FGD4: variants seen among roughly 807,000 people sequenced by gnomAD.
The protein encoded by FGD4 is FYVE, RhoGEF and PH domain containing 4.
FGD4 carries 42 observed loss-of-function variants against 102.0 expected under a neutral mutation model. That is an observed-to-expected ratio of 0.41 (90% CI 0.32 to 0.53). The LOEUF is 0.53. Among genes scored for constraint, FGD4 ranks in the 20% least tolerant of loss-of-function variants. FGD4 has a pLI of 0.21. For missense variants in FGD4, 902 were observed against 1,078.2 expected (o/e 0.84, Z 2.29); for synonymous variants, 380 against 375.7 (o/e 1.01, Z -0.13).
intron 1 of FGD4, among the ~76,000 whole-genome samples, chr12:32,499,418 T>C (rs1466667912): frequency 6.6e-6 from 1 of 152,206 alleles, no homozygotes; most frequent in Non-Finnish European, 1.5e-5. Flanking sequence ...TACTATTCCT[T>C]ACTCACCTTT....
At chr12:32,585,860 A>AAAAAG (rs1491469243) in intron 4 of FGD4, among the ~76,000 whole-genome samples, 1 of 145,276 alleles carries the variant, frequency 6.9e-6, no homozygotes. Flanking sequence ...AAAAAAAAAA[A>AAAAAG]GGGAAATGCA....
At chr12:32,619,894 C>T in intron 11 of FGD4, 24 bp downstream of exon 11, 1 of 1,613,446 alleles carries the variant, frequency 6.2e-7, no homozygotes, top group Non-Finnish European at 8.5e-7. Flanking sequence ...TTCTATCACA[C>T]TGCTTTCCAA....
chr12:32,550,423 A>T (rs1199658063), intron 1 of FGD4, among the ~76,000 whole-genome samples: 1 of 152,112 alleles, frequency 6.6e-6, no homozygotes, highest in African/African-American at 2.4e-5. Context: ...TAATCCCATC[A>T]CTTTGGGAGG....
intron 11 of FGD4, among the ~76,000 whole-genome samples, chr12:32,621,491 C>G (rs1949842565): frequency 1.3e-5 from 2 of 152,074 alleles, no homozygotes; most frequent in Non-Finnish European, 2.9e-5. Flanking sequence ...TCTGGCTGCT[C>G]AGGTGAATTT....
intron 1 of FGD4, among the ~76,000 whole-genome samples, chr12:32,495,755 C>T (rs910226061): frequency 2.0e-5 from 3 of 151,576 alleles, no homozygotes; most frequent in African/African-American, 7.3e-5. Flanking sequence ...TCCATATCCT[C>T]CTGCACACAC....
intron 1 of FGD4, among the ~76,000 whole-genome samples, chr12:32,527,208 G>A (rs1941334420): frequency 6.6e-6 from 1 of 152,174 alleles, no homozygotes; most frequent in Admixed American, 6.5e-5. Context: ...AATTATGTTT[G>A]TTAATTAAGT....
rs368173697 is a variant in FGD4, at chr12:32,410,490, GA to G, written c.166+10542del. Among the ~76,000 whole-genome samples the G allele has an allele frequency of 5.5e-3, 780 of 142,638 alleles. 8 individuals carry two copies. Among genetic ancestry groups the G allele is most frequent in the African/African-American group, 0.018 (715 of 39,280 alleles). The allele number at this position is 142,638 out of a possible 152,430, so 93.6% of individuals were successfully genotyped here. On this transcript the variant is annotated intron_variant, in intron 1 of 16. Transcript: ENST00000534526. ...ATGGAATGAGACTGTGTCTCAAAAA[GA>G]AAAAAAAAAAGAAATTGGCATCATT...
At chr12:32,501,826 A>G (rs1938239590) in intron 1 of FGD4, among the ~76,000 whole-genome samples, 1 of 152,084 alleles carries the variant, frequency 6.6e-6, no homozygotes, top group Admixed American at 6.5e-5. Flanking sequence ...TTGAGGTTTT[A>G]TTTTCTGTTT....
At chr12:32,453,234 TA>T (rs1942856198) in intron 1 of FGD4, among the ~76,000 whole-genome samples, 1 of 48,734 alleles carries the variant, frequency 2.1e-5, no homozygotes, top group African/African-American at 7.8e-5. Context: ...TAGATATATA[TA>T]TATTTTTTTT....
chr12:32,633,096 A>C (rs1950587513), intron 14 of FGD4, among the ~76,000 whole-genome samples: 2 of 150,278 alleles, frequency 1.3e-5, no homozygotes. Flanking sequence ...TGTAAAATGG[A>C]AAATCTTTGG....
chr12:32,634,770 C>T (rs887728429), intron 15 of FGD4, among the ~76,000 whole-genome samples: 6 of 152,154 alleles, frequency 3.9e-5, no homozygotes, highest in Non-Finnish European at 7.4e-5. Context: ...GCAGTTGGAT[C>T]ACGAGGTCAA....
intron 1 of FGD4, among the ~76,000 whole-genome samples, chr12:32,505,907 A>C (rs1249866911): frequency 1.3e-5 from 2 of 152,186 alleles, no homozygotes; most frequent in African/African-American, 2.4e-5. Flanking sequence ...AGGCAAACAG[A>C]CTGAATCTCT....
chr12:32,405,524 G>A (rs1185600656), intron 1 of FGD4, among the ~76,000 whole-genome samples: 5 of 152,144 alleles, frequency 3.3e-5, no homozygotes, highest in Non-Finnish European at 7.3e-5. Context: ...CTCCCAAAGT[G>A]CTGGGATTAC....
intron 1 of FGD4, among the ~76,000 whole-genome samples, chr12:32,536,962 C>T (rs1942328068): frequency 1.3e-5 from 2 of 150,086 alleles, no homozygotes; most frequent in Admixed American, 1.3e-4. Context: ...CTCGCTCTGT[C>T]ACCCAGGCTG....
intron 1 of FGD4, among the ~76,000 whole-genome samples, chr12:32,480,384 G>C (rs903685509): frequency 6.6e-6 from 1 of 151,724 alleles, no homozygotes. Context: ...GGATGGTCTC[G>C]ATCTCTTGTC....
At chr12:32,429,552 G>A (rs1401929200) in intron 1 of FGD4, among the ~76,000 whole-genome samples, 4 of 152,244 alleles carry the variant, frequency 2.6e-5, no homozygotes, top group South Asian at 2.1e-4. Flanking sequence ...GGGCTCAAGC[G>A]CTTTGCTGGG....
At chr12:32,524,606 C>T (rs573539204) in intron 1 of FGD4, among the ~76,000 whole-genome samples, 7 of 151,838 alleles carry the variant, frequency 4.6e-5, no homozygotes, top group South Asian at 2.1e-4. Flanking sequence ...GGGAGGACCG[C>T]TTGAGCCTAG....
chr12:32,465,756 C>CA (rs1356180145), intron 1 of FGD4, among the ~76,000 whole-genome samples: 1 of 150,856 alleles, frequency 6.6e-6, no homozygotes, highest in Non-Finnish European at 1.5e-5. Context: ...TTTTTAGCAA[C>CA]AAAGTGTGTG....
rs1163020099 is a variant in FGD4, at chr12:32,451,236, T to C, written c.166+51277T>C. Among the ~76,000 whole-genome samples, 3 of 152,214 alleles carry C rather than the reference T, an allele frequency of 2.0e-5. No homozygotes were observed. In the East Asian group the frequency reaches 5.8e-4, roughly 29 times the overall value. ...CTATAGTGATGAATATATTTACCTGTGGGTATTGATTCTCATATCAATGGT... is the reference window on the plus strand; with the variant it reads ...CTATAGTGATGAATATATTTACCTGCGGGTATTGATTCTCATATCAATGGT... On this transcript the variant is annotated intron_variant, in intron 1 of 16. Transcript: ENST00000534526.
Sources: allele counts gnomAD v4.1 joint callset (sites outside exome capture counted in the v4.1 genomes callset), GRCh38; gene constraint gnomAD v4.1.1; transcripts MANE v1.5; gene names NCBI Gene and HGNC (gene_info 2026-07-23, HGNC 2026-07-21).